Variants in HSDL2 observed in about 807,000 individuals in gnomAD.
HSDL2 encodes hydroxysteroid dehydrogenase-like protein 2.
A neutral mutation model predicts 46.3 loss-of-function variants in HSDL2; 27 were observed. That is an observed-to-expected ratio of 0.58 (90% confidence interval 0.43 to 0.80). The LOEUF is 0.80. Among genes scored for constraint, HSDL2 ranks in the 30% least tolerant of loss-of-function variants. HSDL2 has a pLI of 0.00. For synonymous variants in HSDL2, 153 were observed against 163.6 expected (o/e 0.94, Z 0.50); for missense variants, 451 against 502.7 (o/e 0.90, Z 0.98).
intron 10 of HSDL2, among the ~76,000 whole-genome samples, chr9:112,470,086 C>CTA (rs1833527645): frequency 6.6e-6 from 1 of 152,164 alleles, no homozygotes; most frequent in Admixed American, 6.5e-5. Flanking sequence ...GTTTAATGAA[C>CTA]TATCGTAAGT....
intron 10 of HSDL2, among the ~76,000 whole-genome samples, chr9:112,467,158 GA>G (rs1833416916): frequency 6.6e-6 from 1 of 151,090 alleles, no homozygotes; most frequent in Non-Finnish European, 1.5e-5. Flanking sequence ...GCAAAAGACA[GA>G]AACAACCTAA....
chr9:112,445,330 C>A (rs1324870583), intron 8 of HSDL2, among the ~76,000 whole-genome samples: 1 of 152,066 alleles, frequency 6.6e-6, no homozygotes, highest in Non-Finnish European at 1.5e-5. Flanking sequence ...TTCTGGAGAC[C>A]TTGTTAAGTT....
At chr9:112,470,090 C>T (rs951508086) in intron 10 of HSDL2, among the ~76,000 whole-genome samples, 5 of 152,126 alleles carry the variant, frequency 3.3e-5, no homozygotes, top group African/African-American at 1.2e-4. Context: ...AATGAACTAT[C>T]GTAAGTTGGA....
intron 5 of HSDL2, among the ~76,000 whole-genome samples, chr9:112,418,186 T>G (rs969720030): frequency 3.3e-5 from 5 of 152,206 alleles, no homozygotes; most frequent in Non-Finnish European, 7.3e-5. Flanking sequence ...AGGAGGGAGA[T>G]ATATAAAATG....
intron 6 of HSDL2, among the ~76,000 whole-genome samples, chr9:112,431,943 G>A (rs965506304): frequency 9.4e-5 from 14 of 148,814 alleles, no homozygotes; most frequent in African/African-American, 3.5e-4. Flanking sequence ...GCAGTGGTGC[G>A]ATCTCAGCTC....
At chr9:112,453,702 C>T (rs1284512150) in intron 8 of HSDL2, among the ~76,000 whole-genome samples, 2 of 152,114 alleles carry the variant, frequency 1.3e-5, no homozygotes, top group East Asian at 3.8e-4. Context: ...CTTGGCCTCA[C>T]AAAGTACTCA....
rs1833581689 is a variant in HSDL2, at chr9:112,471,727, C to T, written c.*1183C>T. ...TGGTATTTTATTATGGCAGCCCTAG[C>T]AAGCTAATACAGTGGTTTGAGAGGC... is the stretch of plus-strand genomic sequence containing the variant. On this transcript the variant is annotated 3_prime_UTR_variant, in exon 11 of 11. Coordinates refer to ENST00000398805, the MANE Select transcript of HSDL2 (RefSeq NM_032303.5). 1 of 152,134 alleles carries T rather than the reference C, an allele frequency of 6.6e-6. No individual in the cohort carries two copies. The highest frequency in any genetic ancestry group is 1.5e-5 in the Non-Finnish European group (1 of 68,042). The allele number at this position is 152,134 out of a possible 1,614,324, so 9.4% of individuals were successfully genotyped here. A position where few individuals can be genotyped will look rare whatever the true frequency, so the allele number is the denominator to read the frequency against.
intron 5 of HSDL2, among the ~76,000 whole-genome samples, chr9:112,417,981 G>A (rs10817336): frequency 0.28 from 41,991 of 151,984 alleles, 5,961 homozygotes; most frequent in Middle Eastern, 0.39. Flanking sequence ...GGAGGATGAG[G>A]CACAAGAATC....
chr9:112,391,726 A>G (rs1266809702), intron 1 of HSDL2, among the ~76,000 whole-genome samples: 1 of 151,822 alleles, frequency 6.6e-6, no homozygotes, highest in Non-Finnish European at 1.5e-5. Context: ...ACCAAAATGG[A>G]GAAACCCTGT....
intron 1 of HSDL2, among the ~76,000 whole-genome samples, chr9:112,396,835 G>A (rs552738017): frequency 4.1e-4 from 62 of 152,316 alleles, no homozygotes; most frequent in Non-Finnish European, 8.8e-5. Context: ...CAGAAGAAGA[G>A]GCTGGGACCT....
chr9:112,442,802 A>G (rs1033976090), intron 8 of HSDL2, among the ~76,000 whole-genome samples: 2 of 152,012 alleles, frequency 1.3e-5, no homozygotes, highest in African/African-American at 4.8e-5. Flanking sequence ...TGATACCTTT[A>G]GCAAATCTGT....
At chr9:112,440,144 C>T (rs1832608570) in intron 7 of HSDL2, among the ~76,000 whole-genome samples, 2 of 152,062 alleles carry the variant, frequency 1.3e-5, no homozygotes, top group South Asian at 4.1e-4. Context: ...TAATTATTAC[C>T]TTAGGTTTTA....
chr9:112,418,606 GTGTGTGTATATA>G (rs1436510320), intron 5 of HSDL2, among the ~76,000 whole-genome samples: 1 of 151,072 alleles, frequency 6.6e-6, no homozygotes, highest in Non-Finnish European at 1.5e-5. Flanking sequence ...ATATATGTAT[GTGTGTGTATATA>G]TGTGTGTATT....
At chr9:112,461,481 A>G (rs1833208707) in intron 10 of HSDL2, among the ~76,000 whole-genome samples, 2 of 152,230 alleles carry the variant, frequency 1.3e-5, no homozygotes, top group Admixed American at 6.5e-5. Context: ...TAAACGCTCA[A>G]TGAATGTTTG....
At chr9:112,386,787 T>G (rs1831227642) in intron 1 of HSDL2, among the ~76,000 whole-genome samples, 2 of 152,086 alleles carry the variant, frequency 1.3e-5, no homozygotes, top group South Asian at 4.1e-4. Flanking sequence ...TCTCAAAAAA[T>G]AATAGTAAGT....
At chr9:112,381,694 T>G (rs1831102142) in intron 1 of HSDL2, among the ~76,000 whole-genome samples, 1 of 152,186 alleles carries the variant, frequency 6.6e-6, no homozygotes, top group Non-Finnish European at 1.5e-5. Context: ...CTGTAACAGC[T>G]TGAGTATCCA....
chr9:112,407,256 A>G (rs1831752397), intron 3 of HSDL2, among the ~76,000 whole-genome samples: 1 of 152,232 alleles, frequency 6.6e-6, no homozygotes, highest in Non-Finnish European at 1.5e-5. Flanking sequence ...CCACGCTCAA[A>G]TGCAGGATAT....
chr9:112,392,216 ACTAATAAGGGT>A (rs1200393349), intron 1 of HSDL2, among the ~76,000 whole-genome samples: 1 of 151,616 alleles, frequency 6.6e-6, no homozygotes, highest in African/African-American at 2.4e-5. Context: ...AAGCAGGACT[ACTAATAAGGGT>A]CTAACAAAGA....
At chr9:112,412,227 AACTTGT>A (rs1167813656) in intron 4 of HSDL2, among the ~76,000 whole-genome samples, 1 of 152,230 alleles carries the variant, frequency 6.6e-6, no homozygotes. Context: ...TCCCAAGCTA[AACTTGT>A]ACCACACACC....
Sources: allele counts gnomAD v4.1 joint callset (sites outside exome capture counted in the v4.1 genomes callset), GRCh38; gene constraint gnomAD v4.1.1; transcripts MANE v1.5; gene names NCBI Gene and HGNC (gene_info 2026-07-23, HGNC 2026-07-21).